LUZP2: variants seen among roughly 807,000 people sequenced by gnomAD.
LUZP2 encodes the protein leucine zipper protein 2.
LUZP2 carries 52 observed loss-of-function variants against 51.6 expected under a neutral mutation model. The observed-to-expected ratio is 1.01, with a 90% confidence interval of 0.81 to 1.27. The LOEUF is 1.27. Among genes scored for constraint, LUZP2 ranks in the 50% most tolerant of loss-of-function variants. LUZP2 has a pLI of 0.00. For synonymous variants in LUZP2, 154 were observed against 137.3 expected, an observed-to-expected ratio of 1.12 and a Z score of -0.85; for missense variants, 436 against 395.4, an observed-to-expected ratio of 1.10 and a Z score of -0.87.
At chr11:24,508,999 G>A (rs1850222327) in intron 1 of LUZP2, among the ~76,000 whole-genome samples, 1 of 152,190 alleles carries the variant, frequency 6.6e-6, no homozygotes, top group Admixed American at 6.5e-5. Context: ...CTAGATATTT[G>A]GGAAGTAACT....
intron 4 of LUZP2, among the ~76,000 whole-genome samples, chr11:24,738,779 A>C (rs539356244): frequency 9.2e-5 from 14 of 152,206 alleles, no homozygotes; most frequent in African/African-American, 3.4e-4. Context: ...GACAGCAAGA[A>C]TTGTGAGAAA....
rs1859462952 is a variant in LUZP2, at chr11:25,081,658, A to G, written c.*3000A>G. Reference sequence around the variant, plus strand: ...CATTTCTCACATATTTTAATTAACAACTAAATAAACAGACGTTGTTTTAAA... The same window carrying G: ...CATTTCTCACATATTTTAATTAACAGCTAAATAAACAGACGTTGTTTTAAA... On this transcript the variant is annotated 3_prime_UTR_variant, in exon 12 of 12. Coordinates refer to ENST00000336930, the MANE Select transcript of LUZP2 (RefSeq NM_001009909.4). 1 of 152,198 alleles carries G rather than the reference A, an allele frequency of 6.6e-6. No homozygotes were observed. Among genetic ancestry groups the G allele is most frequent in the Admixed American group, 6.5e-5 (1 of 15,282 alleles). 9.4% of individuals were successfully genotyped at this position (152,198 alleles called of 1,614,324 possible). A position where few individuals can be genotyped will look rare whatever the true frequency, so the allele number is the denominator to read the frequency against.
At chr11:24,607,404 C>T (rs1053420469) in intron 1 of LUZP2, among the ~76,000 whole-genome samples, 3 of 99,018 alleles carry the variant, frequency 3.0e-5, no homozygotes, top group East Asian at 3.6e-4. Context: ...CACCATTTAT[C>T]GAAGAGACTA....
At chr11:24,712,732 A>G (rs2133934397) in intron 1 of LUZP2, among the ~76,000 whole-genome samples, 1 of 152,330 alleles carries the variant, frequency 6.6e-6, no homozygotes, top group Admixed American at 6.5e-5. Flanking sequence ...GGGGCTTAGA[A>G]GAGCCTGACT....
At chr11:24,665,190 A>T (rs1163571401) in intron 1 of LUZP2, among the ~76,000 whole-genome samples, 1 of 152,204 alleles carries the variant, frequency 6.6e-6, no homozygotes, top group Non-Finnish European at 1.5e-5. Context: ...TGGAACTTTA[A>T]GATTTAATGA....
At chr11:24,590,752 TA>T (rs1853230996) in intron 1 of LUZP2, among the ~76,000 whole-genome samples, 1 of 152,200 alleles carries the variant, frequency 6.6e-6, no homozygotes. Flanking sequence ...CCATGCCTTC[TA>T]AAATCAATCT....
At chr11:24,702,881 G>A (rs145709230) in intron 1 of LUZP2, among the ~76,000 whole-genome samples, 65 of 152,128 alleles carry the variant, frequency 4.3e-4, no homozygotes, top group Admixed American at 1.4e-3. Flanking sequence ...AGAAGGTAAT[G>A]CCTGTTCAGC....
intron 7 of LUZP2, among the ~76,000 whole-genome samples, chr11:24,934,171 A>G (rs1236840842): frequency 6.6e-6 from 1 of 152,156 alleles, no homozygotes; most frequent in African/African-American, 2.4e-5. Context: ...GGAACTGGCT[A>G]TTTTCACTTC....
At chr11:24,899,469 A>G (rs916718588) in intron 5 of LUZP2, among the ~76,000 whole-genome samples, 2 of 152,120 alleles carry the variant, frequency 1.3e-5, no homozygotes, top group African/African-American at 2.4e-5. Flanking sequence ...TATTGATTAT[A>G]TTAAATTACA....
chr11:24,628,155 C>A (rs1854748421), intron 1 of LUZP2, among the ~76,000 whole-genome samples: 1 of 151,866 alleles, frequency 6.6e-6, no homozygotes, highest in Non-Finnish European at 1.5e-5. Context: ...ACAGATAATT[C>A]TTGTAAAATT....
intron 1 of LUZP2, among the ~76,000 whole-genome samples, chr11:24,725,172 A>G (rs1190736584): frequency 1.3e-5 from 2 of 152,194 alleles, no homozygotes; most frequent in Non-Finnish European, 2.9e-5. Context: ...AACAAAAACA[A>G]TAGGGGGGAT....
At chr11:24,909,968 T>A (rs1853573021) in intron 6 of LUZP2, among the ~76,000 whole-genome samples, 1 of 152,102 alleles carries the variant, frequency 6.6e-6, no homozygotes, top group African/African-American at 2.4e-5. Flanking sequence ...ACTTCACAAA[T>A]GGTTTGACCA....
chr11:24,836,642 G>A (rs758431969), intron 5 of LUZP2, among the ~76,000 whole-genome samples: 1 of 151,744 alleles, frequency 6.6e-6, no homozygotes, highest in Non-Finnish European at 1.5e-5. Flanking sequence ...CATCACAATA[G>A]CCAAAGTTAA....
At chr11:24,786,094 G>C in intron 5 of LUZP2, 1 of 985,264 alleles carries the variant, frequency 1.0e-6, no homozygotes, top group African/African-American at 1.7e-5. Context: ...CCTGGTATAT[G>C]ACTGTATTTT....
intron 9 of LUZP2, among the ~76,000 whole-genome samples, chr11:25,013,793 C>T (rs1405142722): frequency 6.6e-6 from 1 of 152,004 alleles, no homozygotes. Flanking sequence ...TACATGTGCA[C>T]ATGGTGCAGG....
chr11:24,948,865 A>C (rs1339277433), intron 7 of LUZP2, among the ~76,000 whole-genome samples: 2 of 150,584 alleles, frequency 1.3e-5, no homozygotes, highest in Non-Finnish European at 3.0e-5. Context: ...CTATCTATCT[A>C]TCTACCTATC....
intron 1 of LUZP2, among the ~76,000 whole-genome samples, chr11:24,525,198 C>T (rs1026532800): frequency 6.6e-6 from 1 of 151,482 alleles, no homozygotes; most frequent in Non-Finnish European, 1.5e-5. Flanking sequence ...ACTCATTTTC[C>T]ATATACATAT....
chr11:24,805,299 C>T (rs1849821235), intron 5 of LUZP2, among the ~76,000 whole-genome samples: 1 of 152,046 alleles, frequency 6.6e-6, no homozygotes, highest in South Asian at 2.1e-4. Flanking sequence ...GACCCAGCCC[C>T]ATGATTCAAT....
intron 1 of LUZP2, among the ~76,000 whole-genome samples, chr11:24,581,398 C>T (rs544788675): frequency 5.3e-4 from 80 of 152,134 alleles, no homozygotes; most frequent in African/African-American, 1.2e-3. Context: ...GGGCCGGGTG[C>T]GGTGGCTTAC....
Sources: allele counts gnomAD v4.1 joint callset (sites outside exome capture counted in the v4.1 genomes callset), GRCh38; gene constraint gnomAD v4.1.1; transcripts MANE v1.5; gene names NCBI Gene and HGNC (gene_info 2026-07-23, HGNC 2026-07-21).